The following TAS2R1 variants were observed in gnomAD, a reference collection of about 807,000 sequenced individuals.
The protein encoded by TAS2R1 is taste receptor type 2 member 1.
For synonymous variants in TAS2R1, 141 were observed against 134.2 expected, an observed-to-expected ratio of 1.05 and a Z score of -0.35; for missense variants, 370 against 353.4, an observed-to-expected ratio of 1.05 and a Z score of -0.38.
chr5:9,794,296 T>C, the TAS2R1 span, among the ~76,000 whole-genome samples: 1 of 152,198 alleles, frequency 6.6e-6, no homozygotes, highest in African/African-American at 2.4e-5. Flanking sequence ...GATTGATTTA[T>C]TATATTTATA....
intron 2 of TAS2R1, among the ~76,000 whole-genome samples, chr5:9,638,714 C>CA (rs1311139012): frequency 6.6e-6 from 1 of 152,114 alleles, no homozygotes; most frequent in Non-Finnish European, 1.5e-5. Context: ...GTTTGGCTAC[C>CA]AGGGAAGGTA....
chr5:9,835,559 C>A, the TAS2R1 span, among the ~76,000 whole-genome samples: 9 of 152,356 alleles, frequency 5.9e-5, no homozygotes, highest in African/African-American at 2.2e-4. Flanking sequence ...GAATTCAGTG[C>A]TACTTCCCAG....
chr5:9,788,426 G>A, the TAS2R1 span, among the ~76,000 whole-genome samples: 7 of 152,112 alleles, frequency 4.6e-5, no homozygotes, highest in Admixed American at 3.3e-4. Context: ...ACAGCTCCCA[G>A]CCACCGGGTA....
the TAS2R1 span, among the ~76,000 whole-genome samples, chr5:9,792,465 T>C: frequency 6.6e-6 from 1 of 152,332 alleles, no homozygotes. Flanking sequence ...ATGTCTGACC[T>C]ATCTTGCACT....
intron 1 of TAS2R1, among the ~76,000 whole-genome samples, chr5:9,688,688 C>G (rs978863947): frequency 2.6e-5 from 4 of 152,168 alleles, no homozygotes; most frequent in Non-Finnish European, 5.9e-5. Flanking sequence ...GGGACCTCCA[C>G]GGGCCATGCA....
chr5:9,780,178 C>T, the TAS2R1 span, among the ~76,000 whole-genome samples: 2 of 152,296 alleles, frequency 1.3e-5, no homozygotes, highest in South Asian at 2.1e-4. Flanking sequence ...CCCCCTCCCA[C>T]TCTGACAGTT....
At chr5:9,671,393 C>T (rs1443237323) in intron 1 of TAS2R1, among the ~76,000 whole-genome samples, 1 of 152,080 alleles carries the variant, frequency 6.6e-6, no homozygotes, top group Non-Finnish European at 1.5e-5. Context: ...TAGAAAATCC[C>T]ATAGTCCCTG....
chr5:9,779,048 C>T, the TAS2R1 span, among the ~76,000 whole-genome samples: 3 of 152,224 alleles, frequency 2.0e-5, no homozygotes, highest in Non-Finnish European at 2.9e-5. Context: ...TGAAATGTGA[C>T]CTGCAGTGTT....
In TAS2R1 at chr5:9,689,760, T is replaced by C. The variant is rs1336595117; in HGVS notation, c.-242+22412A>G. On this transcript the variant is annotated intron_variant, in intron 1 of 2. Coordinates refer to the TAS2R1 transcript ENST00000506620. Reference sequence around the variant, plus strand: ...TTAAACGTTTTTTCTAGCTGTTATATATTATAATTTATGAAACATCAAAAT... The same window carrying C: ...TTAAACGTTTTTTCTAGCTGTTATACATTATAATTTATGAAACATCAAAAT... 1.3e-4 allele frequency among the ~76,000 whole-genome samples: 20 copies of C among 152,178 alleles called. 1 individual carries two copies. The highest frequency in any genetic ancestry group is 4.3e-4 in the African/African-American group (18 of 41,448).
the TAS2R1 span, among the ~76,000 whole-genome samples, chr5:9,734,782 C>G: frequency 6.6e-6 from 1 of 151,724 alleles, no homozygotes; most frequent in Non-Finnish European, 1.5e-5. Context: ...ACACCCCCCA[C>G]CACGGTGAAC....
At chr5:9,662,745 A>G (rs778146141) in intron 1 of TAS2R1, among the ~76,000 whole-genome samples, 3 of 152,256 alleles carry the variant, frequency 2.0e-5, no homozygotes, top group Non-Finnish European at 2.9e-5. Flanking sequence ...GTCTCTGACT[A>G]TAACTCAGTT....
the TAS2R1 span, among the ~76,000 whole-genome samples, chr5:9,769,166 C>G: frequency 6.6e-6 from 1 of 152,072 alleles, no homozygotes; most frequent in Non-Finnish European, 1.5e-5. Context: ...TAAGTGAGAA[C>G]TTATTTGTCT....
chr5:9,771,684 T>A, the TAS2R1 span, among the ~76,000 whole-genome samples: 1 of 152,112 alleles, frequency 6.6e-6, no homozygotes, highest in African/African-American at 2.4e-5. Flanking sequence ...GGCTCCTATC[T>A]TGTTATTTGT....
chr5:9,886,914 CCAT>C, the TAS2R1 span, among the ~76,000 whole-genome samples: 1 of 152,146 alleles, frequency 6.6e-6, no homozygotes, highest in Admixed American at 6.5e-5. Flanking sequence ...ATCTACGTAA[CCAT>C]CACCAAAGGT....
At chr5:9,828,958 G>A in the TAS2R1 span, among the ~76,000 whole-genome samples, 1 of 152,252 alleles carries the variant, frequency 6.6e-6, no homozygotes, top group Non-Finnish European at 1.5e-5. Context: ...GATCTACTGG[G>A]TATATGGACT....
At chr5:9,839,531 G>C in the TAS2R1 span, among the ~76,000 whole-genome samples, 1 of 152,158 alleles carries the variant, frequency 6.6e-6, no homozygotes, top group African/African-American at 2.4e-5. Context: ...CAACACTCTT[G>C]ACAATCTCCA....
the TAS2R1 span, among the ~76,000 whole-genome samples, chr5:9,874,652 C>T: frequency 6.6e-6 from 1 of 152,128 alleles, no homozygotes; most frequent in East Asian, 1.9e-4. Context: ...TAGTATGACT[C>T]ATGTTAGGTG....
chr5:9,769,447 T>C, the TAS2R1 span, among the ~76,000 whole-genome samples: 16 of 152,170 alleles, frequency 1.1e-4, no homozygotes, highest in Non-Finnish European at 2.2e-4. Flanking sequence ...GATTGCTGGA[T>C]TATATAAAGG....
chr5:9,826,691 T>G, the TAS2R1 span, among the ~76,000 whole-genome samples: 5 of 152,210 alleles, frequency 3.3e-5, no homozygotes, highest in Admixed American at 3.3e-4. Flanking sequence ...TCAGTGACCA[T>G]GTACTACTTC....
Sources: allele counts gnomAD v4.1 joint callset (sites outside exome capture counted in the v4.1 genomes callset), GRCh38; gene constraint gnomAD v4.1.1; transcripts MANE v1.5; gene names NCBI Gene and HGNC (gene_info 2026-07-23, HGNC 2026-07-21).